FAM53A: variants seen among roughly 807,000 people sequenced by gnomAD.
FAM53A encodes protein FAM53A.
Under a neutral mutation model 26.6 loss-of-function variants are expected in FAM53A, and 28 were observed. That is an observed-to-expected ratio of 1.05 (90% CI 0.78 to 1.45). The LOEUF is 1.45. Among genes scored for constraint, FAM53A ranks in the 40% most tolerant of loss-of-function variants. The pLI, the probability that FAM53A is intolerant of heterozygous loss-of-function variation, is 0.00. For synonymous variants in FAM53A, 290 were observed against 253.1 expected (o/e 1.15, Z -1.38); for missense variants, 650 against 575.8 (o/e 1.13, Z -1.32).
the FAM53A span, among the ~76,000 whole-genome samples, chr4:1,599,806 T>TCC: frequency 6.6e-6 from 1 of 152,250 alleles, no homozygotes; most frequent in Non-Finnish European, 1.5e-5. This position sits in a 1 kb window ranked among gnomAD's most constrained non-coding sequence, Gnocchi z 6.1. Flanking sequence ...GCACAGGCAC[T>TCC]CCGAGTCCCA....
intron 1 of FAM53A, among the ~76,000 whole-genome samples, chr4:1,626,333 C>G (rs1715302314): frequency 6.6e-6 from 1 of 152,246 alleles, no homozygotes; most frequent in South Asian, 2.1e-4. Flanking sequence ...TCCACAGCAT[C>G]TCACAGCAGA....
chr4:1,647,945 C>T (rs961373924), intron 4 of FAM53A, among the ~76,000 whole-genome samples: 3 of 152,174 alleles, frequency 2.0e-5, no homozygotes, highest in Non-Finnish European at 2.9e-5. Context: ...CCTGGTGGCG[C>T]ACGCCTGCAA....
chr4:1,648,665 G>A (rs1413591390), intron 4 of FAM53A, among the ~76,000 whole-genome samples: 1 of 152,172 alleles, frequency 6.6e-6, no homozygotes, highest in Non-Finnish European at 1.5e-5. Flanking sequence ...TGAATTTAAG[G>A]CAATGCACAC....
chr4:1,650,639 G>A (rs1385741757), intron 4 of FAM53A, among the ~76,000 whole-genome samples: 1 of 151,970 alleles, frequency 6.6e-6, no homozygotes, highest in Admixed American at 6.5e-5. Context: ...AGGACTACAG[G>A]CGCCCACCAT....
chr4:1,629,567 C>G (rs1372612919), intron 1 of FAM53A, among the ~76,000 whole-genome samples: 1 of 152,192 alleles, frequency 6.6e-6, no homozygotes, highest in Admixed American at 6.6e-5. Flanking sequence ...GCCACCCCCT[C>G]ATCCTGCCTG....
the FAM53A span, among the ~76,000 whole-genome samples, chr4:1,596,846 G>C: frequency 6.6e-6 from 1 of 152,100 alleles, no homozygotes; most frequent in South Asian, 2.1e-4. Context: ...AGATGGGGAA[G>C]AGACAGAGAC....
the FAM53A span, among the ~76,000 whole-genome samples, chr4:1,583,911 C>G: frequency 1.3e-5 from 2 of 152,240 alleles, no homozygotes; most frequent in Non-Finnish European, 2.9e-5. Context: ...ACTGCTGTTT[C>G]CATTTGCGTC....
chr4:1,658,926 G>C (rs1331015056), intron 2 of FAM53A, among the ~76,000 whole-genome samples: 2 of 152,186 alleles, frequency 1.3e-5, no homozygotes, highest in Non-Finnish European at 2.9e-5. Context: ...CTGCTTTTTT[G>C]CCTTAGAGTT....
In FAM53A at chr4:1,641,586, G is replaced by A. The variant is rs759340167; in HGVS notation, c.904C>T (p.Leu302Phe). 2 of 1,613,996 alleles carry A rather than the reference G, an allele frequency of 1.2e-6. No homozygotes were observed. The highest frequency in any genetic ancestry group is 2.2e-5 in the South Asian group (2 of 91,092). Residue 302 changes from leucine (L) to phenylalanine (F), a missense_variant, in exon 5 of 5, where the codon CTT (leucine) becomes TTT (phenylalanine). Physicochemically the swap from Leu to Phe is conservative, Grantham distance 22 (BLOSUM62 0). Transcript: ENST00000308132. ...MTQTLKNSKS[L>F]CSLNYEDDDE... ...TCATCTTCGTAATTGAGGGAGCAAA[G>A]GCTTTTTGAATTTTTTAAAGTCTGC... is the stretch of plus-strand genomic sequence containing the variant.
At chr4:1,614,620 C>T (rs922802099), downstream of FAM53A, among the ~76,000 whole-genome samples, 3 of 152,118 alleles carry the variant, frequency 2.0e-5, no homozygotes, top group South Asian at 2.1e-4. Flanking sequence ...GGTCAGCCGT[C>T]GCTGCCCCTG....
At chr4:1,588,317 G>C in the FAM53A span, among the ~76,000 whole-genome samples, 1 of 152,200 alleles carries the variant, frequency 6.6e-6, no homozygotes, top group Non-Finnish European at 1.5e-5. Context: ...TATGCTCCCA[G>C]ATTCTTCAGT....
At chr4:1,651,495 G>A (rs1712775525) in intron 4 of FAM53A, among the ~76,000 whole-genome samples, 3 of 151,020 alleles carry the variant, frequency 2.0e-5, no homozygotes, top group African/African-American at 7.3e-5. Flanking sequence ...TCGTGCCACT[G>A]CATTCCAGCC....
At chr4:1,637,540 G>A (rs886281480), downstream of FAM53A, among the ~76,000 whole-genome samples, 11 of 152,096 alleles carry the variant, frequency 7.2e-5, no homozygotes, top group South Asian at 1.2e-3. Context: ...GCCCCACCTC[G>A]CCTCAGCCTC....
At position 1,655,056 on chromosome 4, in the gene FAM53A, C is replaced by T. The variant is rs762204356; in HGVS notation, c.804G>A (p.Lys268=). Residue 268 remains lysine, a synonymous_variant, in exon 4 of 5, where the codon AAG becomes AAA. Coordinates refer to ENST00000308132, the MANE Select transcript of FAM53A (RefSeq NM_001174070.3). ...CACGCCTCCGTTTGCGCCGGCTCCT[C>T]TTCCCACTGAGCACGCAAGGCTGTG... is the stretch of plus-strand genomic sequence containing the variant. The part of the protein sequence containing the change: ...CRSQPCVLSG[K]RSRRKRRREE... 9 of 1,597,464 alleles carry T rather than the reference C, an allele frequency of 5.6e-6. No homozygotes were observed. The highest frequency in any genetic ancestry group is 2.3e-5 in the East Asian group (1 of 44,236).
At chr4:1,632,318 C>T (rs145942580) in intron 1 of FAM53A, among the ~76,000 whole-genome samples, 12 of 152,240 alleles carry the variant, frequency 7.9e-5, no homozygotes, top group Admixed American at 3.3e-4. Context: ...CACAGAGAAA[C>T]GACCACGTGC....
downstream of FAM53A, among the ~76,000 whole-genome samples, chr4:1,637,348 T>C (rs1715889303): frequency 6.6e-6 from 1 of 151,818 alleles, no homozygotes; most frequent in South Asian, 2.1e-4. Context: ...AGCCAGGCCG[T>C]CCCCACCTCC....
At chr4:1,628,949 T>A (rs1715485069) in intron 1 of FAM53A, among the ~76,000 whole-genome samples, 1 of 151,706 alleles carries the variant, frequency 6.6e-6, no homozygotes, top group Admixed American at 6.6e-5. Context: ...TGAGTTTGAG[T>A]ACCTTCTCCC....
exon 2 of FAM53A, chr4:1,617,971 C>A: frequency 2.2e-6 from 1 of 451,154 alleles, no homozygotes; most frequent in South Asian, 1.6e-5. Context: ...GGTGCCACCA[C>A]AACAGAACTG....
At position 1,622,755 on chromosome 4, in the gene FAM53A, G is replaced by A. The variant is rs139233408; in HGVS notation, c.432-4644C>T. Among the ~76,000 whole-genome samples, 196 of 152,240 alleles carry A rather than the reference G, an allele frequency of 1.3e-3. No individual in the cohort carries two copies. The Middle Eastern group carries it at 0.02, about 16-fold the overall frequency. On this transcript the variant is annotated intron_variant, in intron 1 of 1. Coordinates refer to the FAM53A transcript ENST00000489029. ...TCAGATCCTGCCCGCAGCCATCTCTGCCTCCCTCAGACTCAGGCACCACAT... is the reference window on the plus strand; with the variant it reads ...TCAGATCCTGCCCGCAGCCATCTCTACCTCCCTCAGACTCAGGCACCACAT...
Sources: allele counts gnomAD v4.1 joint callset (sites outside exome capture counted in the v4.1 genomes callset), GRCh38; gene constraint gnomAD v4.1.1; non-coding constraint Gnocchi (gnomAD v3.1); transcripts MANE v1.5; gene names NCBI Gene and HGNC (gene_info 2026-07-23, HGNC 2026-07-21).